Variants in PCDHA5 observed in about 807,000 individuals in gnomAD.
The protein encoded by PCDHA5 is protocadherin alpha 5.
Under a neutral mutation model 61.6 loss-of-function variants are expected in PCDHA5, and 43 were observed. The ratio of observed to expected loss-of-function variants is 0.70; its 90% confidence interval spans 0.55 to 0.90. The LOEUF is 0.90. PCDHA5 is among the 40% of genes least tolerant of loss of function. The probability of loss-of-function intolerance (pLI) is 0.00; values close to 1 mark genes in which losing one functional copy is unlikely to be tolerated. For missense variants in PCDHA5, 1,298 were observed against 1,222.7 expected (o/e 1.06, Z -0.92); for synonymous variants, 627 against 543.9 (o/e 1.15, Z -2.13).
At chr5:140,828,955 G>C (rs1770051113) in intron 1 of PCDHA5, 1 of 1,614,090 alleles carries the variant, frequency 6.2e-7, no homozygotes, top group African/African-American at 1.3e-5. Context: ...TTGCAGCCAT[G>C]GTTATTGACC....
chr5:140,871,160 C>A, intron 1 of PCDHA5: 1 of 1,613,470 alleles, frequency 6.2e-7, no homozygotes, highest in Non-Finnish European at 8.5e-7. Context: ...GCGGGCGCCG[C>A]GAGCCCAGAG....
At chr5:140,852,612 C>T (rs1177069451) in intron 1 of PCDHA5, 3 of 914,508 alleles carry the variant, frequency 3.3e-6, no homozygotes, top group Non-Finnish European at 4.0e-6. Context: ...TCTTTCAAAA[C>T]TTGAGTGGTC....
intron 1 of PCDHA5, chr5:140,928,862 G>A (rs1554206427): frequency 1.2e-6 from 2 of 1,614,166 alleles, no homozygotes; most frequent in Admixed American, 1.7e-5. Context: ...GTGCTGTTGA[G>A]CAACTCTGTC....
chr5:140,877,914 A>AT (rs2057394520), intron 1 of PCDHA5: 3 of 1,426,804 alleles, frequency 2.1e-6, no homozygotes, highest in Non-Finnish European at 2.8e-6. Flanking sequence ...ACATTCTCTC[A>AT]TTTTTCTTTA....
chr5:140,945,801 C>T (rs1371269109), intron 1 of PCDHA5, among the ~76,000 whole-genome samples: 2 of 152,026 alleles, frequency 1.3e-5, no homozygotes, highest in East Asian at 3.9e-4. Context: ...GAAACTAGAC[C>T]CTTATCTCAC....
intron 1 of PCDHA5, chr5:140,856,218 A>C: frequency 6.3e-7 from 1 of 1,597,930 alleles, no homozygotes; most frequent in Non-Finnish European, 8.6e-7. Flanking sequence ...GAGCTGGCGG[A>C]GCTGGTGCAG....
chr5:140,981,944 G>A (rs893119825), intron 2 of PCDHA5, among the ~76,000 whole-genome samples: 2 of 152,174 alleles, frequency 1.3e-5, no homozygotes, highest in Non-Finnish European at 2.9e-5. Flanking sequence ...GAAATATAGG[G>A]TGGGTCATCT....
intron 1 of PCDHA5, chr5:140,829,839 G>T (rs2150175882): frequency 3.1e-6 from 5 of 1,613,930 alleles, no homozygotes; most frequent in Non-Finnish European, 4.2e-6. Context: ...CTGGTGCCGC[G>T]GTCACTGGGT....
intron 1 of PCDHA5, among the ~76,000 whole-genome samples, chr5:140,915,425 A>T (rs2077115235): frequency 6.6e-6 from 1 of 152,056 alleles, no homozygotes; most frequent in African/African-American, 2.4e-5. Flanking sequence ...GGGCTTGTTT[A>T]TCCCTGTCCT....
intron 1 of PCDHA5, among the ~76,000 whole-genome samples, chr5:140,888,562 G>T (rs781854673): frequency 6.6e-6 from 1 of 152,112 alleles, no homozygotes; most frequent in East Asian, 1.9e-4. Flanking sequence ...TCCTTTCAAG[G>T]CTTCATTTTA....
intron 3 of PCDHA5, among the ~76,000 whole-genome samples, chr5:140,994,309 C>T (rs924119174): frequency 1.3e-5 from 2 of 152,072 alleles, no homozygotes; most frequent in African/African-American, 4.8e-5. Context: ...TTCACAGGGC[C>T]CAAACACTCT....
At chr5:140,825,517 C>A (rs1236506485) in intron 1 of PCDHA5, 1 of 151,028 alleles carries the variant, frequency 6.6e-6, no homozygotes, top group Non-Finnish European at 1.5e-5. Context: ...CTTGGCCTCC[C>A]AGGTTCAAGC....
chr5:141,001,693 G>A (rs1554258280), intron 3 of PCDHA5, among the ~76,000 whole-genome samples: 1 of 152,122 alleles, frequency 6.6e-6, no homozygotes, highest in Admixed American at 6.5e-5. Context: ...CCCACAGATG[G>A]CGAAATAGGG....
intron 1 of PCDHA5, among the ~76,000 whole-genome samples, chr5:140,901,883 C>G (rs1206318073): frequency 5.3e-5 from 8 of 152,038 alleles, no homozygotes; most frequent in Non-Finnish European, 1.0e-4. Flanking sequence ...CTTTCATCAG[C>G]ATTTTATATT....
chr5:140,833,757 C>A (rs1554133954), intron 1 of PCDHA5, among the ~76,000 whole-genome samples: 1 of 151,886 alleles, frequency 6.6e-6, no homozygotes, highest in Admixed American at 6.6e-5. Context: ...AGAAAACACA[C>A]ACACACACAC....
intron 1 of PCDHA5, among the ~76,000 whole-genome samples, chr5:140,932,458 G>T (rs1316450984): frequency 6.6e-6 from 1 of 151,710 alleles, no homozygotes; most frequent in African/African-American, 2.4e-5. Flanking sequence ...TTTTGCCAGG[G>T]TATATAGGAA....
chr5:140,854,596 A>G (rs1426256620), intron 1 of PCDHA5: 1 of 150,040 alleles, frequency 6.7e-6, no homozygotes, highest in Non-Finnish European at 1.5e-5. Flanking sequence ...AAAAGTTTAA[A>G]GTAATTGACA....
intron 1 of PCDHA5, among the ~76,000 whole-genome samples, chr5:140,906,586 C>G (rs1199094981): frequency 6.6e-6 from 1 of 152,218 alleles, no homozygotes; most frequent in African/African-American, 2.4e-5. Context: ...TGATGACTAC[C>G]TTCCTCTACT....
At chr5:140,895,292 C>T (rs1032250917) in intron 1 of PCDHA5, among the ~76,000 whole-genome samples, 11 of 152,044 alleles carry the variant, frequency 7.2e-5, no homozygotes, top group Non-Finnish European at 1.2e-4. Flanking sequence ...TTAGGACCTT[C>T]GATTTCCCCC....
Sources: gnomAD v4.1 joint callset for allele counts (sites outside exome capture counted in the v4.1 genomes callset) on GRCh38, gnomAD v4.1.1 for gene constraint, MANE v1.5 for transcripts, NCBI Gene and HGNC (gene_info 2026-07-23, HGNC 2026-07-21) for gene names.